Variants in SIK3 observed in about 807,000 individuals in gnomAD.
SIK3 encodes the protein SIK family kinase 3.
Under a neutral mutation model 144.2 loss-of-function variants are expected in SIK3, and 28 were observed. That is an observed-to-expected ratio of 0.19 (90% CI 0.14 to 0.27). SIK3 has a LOEUF of 0.27. Ranked by LOEUF, SIK3 falls within the 10% of genes least tolerant of loss-of-function variation. The probability of loss-of-function intolerance (pLI) is 1.00; values close to 1 mark genes in which losing one functional copy is unlikely to be tolerated. For missense variants in SIK3, 1,319 were observed against 1,776.0 expected (o/e 0.74, Z 4.62); for synonymous variants, 686 against 676.3 (o/e 1.01, Z -0.22).
chr11:116,859,041 G>C (rs1288052945), intron 20 of SIK3, among the ~76,000 whole-genome samples: 2 of 152,190 alleles, frequency 1.3e-5, no homozygotes, highest in African/African-American at 4.8e-5. Flanking sequence ...TAATAAGGTA[G>C]CTTTCCCATT....
intron 3 of SIK3, among the ~76,000 whole-genome samples, chr11:116,944,010 G>A (rs1340496454): frequency 2.6e-5 from 4 of 151,864 alleles, no homozygotes; most frequent in Non-Finnish European, 4.4e-5. Context: ...TAATAGCAAT[G>A]AGATAGGGTA....
At chr11:116,961,556 G>T (rs1421269399) in intron 1 of SIK3, among the ~76,000 whole-genome samples, 1 of 152,122 alleles carries the variant, frequency 6.6e-6, no homozygotes. Context: ...AGTAGGTAAA[G>T]AAAAGATAAA....
At position 116,956,938 on chromosome 11, in the gene SIK3, A is replaced by G. The variant is rs749381456; in HGVS notation, c.390+10T>C. The G allele has an allele frequency of 7.7e-6, 12 of 1,556,694 alleles. No homozygotes were observed. The highest frequency in any genetic ancestry group is 1.0e-5 in the Non-Finnish European group (12 of 1,143,094). On this transcript the variant is annotated intron_variant, in intron 2 of 24. Coordinates refer to ENST00000445177, the MANE Select transcript of SIK3 (RefSeq NM_001366686.3). The stretch of plus-strand genomic sequence containing the variant: ...CTTTGCAGCTATCTGCTATACACTA[A>G]TGATCCTACCTGGTAGAGCCTGATG...
At chr11:117,006,914 T>G (rs1030423426) in intron 1 of SIK3, among the ~76,000 whole-genome samples, 1 of 152,022 alleles carries the variant, frequency 6.6e-6, no homozygotes, top group Non-Finnish European at 1.5e-5. Context: ...TAAAGGAAAA[T>G]AAAGTGATTT....
chr11:117,062,010 G>T (rs1169110932), intron 1 of SIK3, among the ~76,000 whole-genome samples: 1 of 151,314 alleles, frequency 6.6e-6, no homozygotes, highest in African/African-American at 2.5e-5. Flanking sequence ...GGGCAATTGG[G>T]TATAGATTTT....
chr11:117,053,200 A>G (rs1953343169), intron 1 of SIK3, among the ~76,000 whole-genome samples: 2 of 151,926 alleles, frequency 1.3e-5, no homozygotes, highest in African/African-American at 4.8e-5. Context: ...AGCTGGGCAT[A>G]GTGGCATACA....
At chr11:116,953,299 A>T (rs1264490468) in intron 3 of SIK3, among the ~76,000 whole-genome samples, 1 of 152,202 alleles carries the variant, frequency 6.6e-6, no homozygotes, top group Admixed American at 6.5e-5. Context: ...AAATTAGACA[A>T]ATAAAGTATA....
intron 1 of SIK3, chr11:117,035,669 C>T (rs969592740): frequency 7.4e-6 from 5 of 671,590 alleles, no homozygotes; most frequent in South Asian, 5.5e-5. Flanking sequence ...ATCCTCCCAC[C>T]TTAGCCTCCA....
At chr11:117,077,441 T>C (rs1954601353) in intron 1 of SIK3, among the ~76,000 whole-genome samples, 1 of 152,212 alleles carries the variant, frequency 6.6e-6, no homozygotes. Context: ...TACAAAAGCT[T>C]TCTAATTGGG....
chr11:117,049,805 A>G (rs1953144228), intron 1 of SIK3, among the ~76,000 whole-genome samples: 1 of 151,868 alleles, frequency 6.6e-6, no homozygotes, highest in Admixed American at 6.6e-5. Context: ...AAATTTTAAA[A>G]TTAGCCAGGC....
chr11:116,882,720 T>C (rs1189935877), intron 6 of SIK3, among the ~76,000 whole-genome samples: 6 of 152,202 alleles, frequency 3.9e-5, no homozygotes, highest in Admixed American at 1.3e-4. Flanking sequence ...TAGTTTCTTA[T>C]GTACTTGGTC....
intron 1 of SIK3, among the ~76,000 whole-genome samples, chr11:116,966,636 G>A (rs1415643804): frequency 6.6e-6 from 1 of 151,986 alleles, no homozygotes; most frequent in Middle Eastern, 3.2e-3. Flanking sequence ...TTTGAATTAG[G>A]GGTGTTCAAC....
chr11:116,965,734 A>AATATATATACATATATATAT (rs1949505761), intron 1 of SIK3, among the ~76,000 whole-genome samples: 8 of 118,376 alleles, frequency 6.8e-5, no homozygotes, highest in African/African-American at 2.9e-4. Context: ...TCTCTGCTAA[A>AATATATATACATATATATAT]ATATATATAT....
chr11:117,025,709 G>A (rs1951980008), intron 1 of SIK3, among the ~76,000 whole-genome samples: 1 of 152,104 alleles, frequency 6.6e-6, no homozygotes, highest in South Asian at 2.1e-4. Context: ...TGGGATTACA[G>A]ATGTGATCCA....
intron 1 of SIK3, among the ~76,000 whole-genome samples, chr11:117,026,377 A>G (rs1952009737): frequency 6.6e-6 from 1 of 152,202 alleles, no homozygotes; most frequent in Non-Finnish European, 1.5e-5. Flanking sequence ...TGCATTTCTC[A>G]GAATGTATCC....
chr11:116,954,123 G>C lies in SIK3; in HGVS notation c.391-16C>G, dbSNP rs763889362. The stretch of plus-strand genomic sequence containing the variant: ...TCTCCATAACCTGGTGCAAAGGCAG[G>C]AAAGTGACAGACAGTGACACAAATG... On this transcript the variant is annotated splice_polypyrimidine_tract_variant and intron_variant, in intron 2 of 24. Coordinates refer to ENST00000445177, the MANE Select transcript of SIK3 (RefSeq NM_001366686.3). 6.2e-7 allele frequency: 1 copy of C among 1,611,164 alleles called. No homozygotes were observed. Among genetic ancestry groups the C allele is most frequent in the Middle Eastern group, 1.7e-4 (1 of 6,054 alleles).
intron 1 of SIK3, among the ~76,000 whole-genome samples, chr11:117,083,147 A>G (rs895627830): frequency 2.6e-5 from 4 of 152,208 alleles, no homozygotes; most frequent in African/African-American, 9.6e-5. Context: ...GTGACTTGGT[A>G]TAACAATACC....
intron 6 of SIK3, among the ~76,000 whole-genome samples, chr11:116,888,169 A>G (rs1045178692): frequency 3.3e-5 from 5 of 152,244 alleles, no homozygotes; most frequent in African/African-American, 1.2e-4. Context: ...GTGATCATTT[A>G]GAACACTATA....
chr11:116,941,754 G>GT, intron 3 of SIK3, among the ~76,000 whole-genome samples: 1 of 152,288 alleles, frequency 6.6e-6, no homozygotes, highest in African/African-American at 2.4e-5. Context: ...ATGCCCATGA[G>GT]TTCTGCCTGG....
Sources: allele counts gnomAD v4.1 joint callset (sites outside exome capture counted in the v4.1 genomes callset), GRCh38; gene constraint gnomAD v4.1.1; transcripts MANE v1.5; gene names NCBI Gene and HGNC (gene_info 2026-07-23, HGNC 2026-07-21).